KCNQ5: variants seen among roughly 807,000 people sequenced by gnomAD.
KCNQ5 encodes the protein potassium voltage-gated channel subfamily Q member 5, also known as potassium voltage-gated channel subfamily KQT member 5.
KCNQ5 carries 30 observed loss-of-function variants against 98.2 expected under a neutral mutation model. That is an observed-to-expected ratio of 0.31 (90% CI 0.23 to 0.41). The LOEUF is 0.41. Among genes scored for constraint, KCNQ5 ranks in the 10% least tolerant of loss-of-function variants. KCNQ5 has a pLI of 1.00. For synonymous variants in KCNQ5, 458 were observed against 449.4 expected, an observed-to-expected ratio of 1.02 and a Z score of -0.24; for missense variants, 835 against 1,182.5, an observed-to-expected ratio of 0.71 and a Z score of 4.31.
chr6:73,096,349 A>AAAG (rs1313185733), intron 5 of KCNQ5, among the ~76,000 whole-genome samples: 1 of 151,514 alleles, frequency 6.6e-6, no homozygotes, highest in Admixed American at 6.6e-5. Flanking sequence ...AAAAAAAAAA[A>AAAG]AAAAGAGCTT....
chr6:73,044,168 T>C (rs1771848573), intron 3 of KCNQ5, among the ~76,000 whole-genome samples: 1 of 152,092 alleles, frequency 6.6e-6, no homozygotes, highest in African/African-American at 2.4e-5. Context: ...TAGTCCCAGC[T>C]ACTCAGAAGG....
intron 1 of KCNQ5, among the ~76,000 whole-genome samples, chr6:72,857,764 A>C (rs2150149558): frequency 6.6e-6 from 1 of 152,312 alleles, no homozygotes; most frequent in African/African-American, 2.4e-5. Context: ...ATTAGCAGTT[A>C]TTTACTGATA....
chr6:73,146,626 CAAAAA>C (rs58798764), intron 10 of KCNQ5, among the ~76,000 whole-genome samples: 3,333 of 28,188 alleles, frequency 0.12, 128 homozygotes, highest in Admixed American at 0.24. Flanking sequence ...GTCCCTGTCT[CAAAAA>C]AAAAAAAAAA....
intron 1 of KCNQ5, among the ~76,000 whole-genome samples, chr6:72,872,385 G>T (rs1010295199): frequency 1.3e-5 from 2 of 152,100 alleles, no homozygotes; most frequent in African/African-American, 2.4e-5. Context: ...GACCAACAAG[G>T]GTGTGTTGCA....
intron 5 of KCNQ5, among the ~76,000 whole-genome samples, chr6:73,090,569 C>T (rs547693394): frequency 6.6e-6 from 1 of 152,270 alleles, no homozygotes; most frequent in Admixed American, 6.5e-5. Context: ...CCTTAATCCA[C>T]CTTCAGTTGA....
intron 1 of KCNQ5, among the ~76,000 whole-genome samples, chr6:72,699,900 A>G (rs1768706745): frequency 6.6e-6 from 1 of 152,182 alleles, no homozygotes; most frequent in Non-Finnish European, 1.5e-5. Context: ...TCGGGCGTCA[A>G]GCTTTCCATG....
intron 3 of KCNQ5, among the ~76,000 whole-genome samples, chr6:73,069,540 G>A (rs914635197): frequency 6.6e-6 from 1 of 152,008 alleles, no homozygotes. Context: ...AAAAAAGCAC[G>A]TCTGCATGCA....
intron 7 of KCNQ5, among the ~76,000 whole-genome samples, chr6:73,116,537 C>T (rs1275482618): frequency 1.3e-5 from 2 of 152,092 alleles, no homozygotes; most frequent in Admixed American, 6.6e-5. Flanking sequence ...CAATGGCACA[C>T]ACCTGTAGTC....
intron 1 of KCNQ5, among the ~76,000 whole-genome samples, chr6:72,645,952 A>T (rs2154472198): frequency 6.6e-6 from 1 of 152,206 alleles, no homozygotes; most frequent in South Asian, 2.1e-4. Flanking sequence ...AGAGATTTCC[A>T]CTTCCCCCCA....
intron 1 of KCNQ5, among the ~76,000 whole-genome samples, chr6:72,725,995 C>A (rs568116017): frequency 6.6e-6 from 1 of 152,016 alleles, no homozygotes; most frequent in East Asian, 1.9e-4. Flanking sequence ...TTTCTTAGCA[C>A]AGTTTTCTGA....
intron 2 of KCNQ5, 117 bp from the exon 3 acceptor site, chr6:73,041,819 T>C: frequency 9.2e-7 from 1 of 1,088,364 alleles, no homozygotes; most frequent in Non-Finnish European, 1.4e-6. Context: ...TAACTTTAGA[T>C]ATTAACAACT....
intron 1 of KCNQ5, among the ~76,000 whole-genome samples, chr6:72,838,874 C>T (rs1582389549): frequency 1.5e-5 from 2 of 136,100 alleles, no homozygotes; most frequent in Admixed American, 1.6e-4. Context: ...GGCGTGAACC[C>T]GGGAGGCGGA....
intron 1 of KCNQ5, among the ~76,000 whole-genome samples, chr6:72,925,836 C>A (rs528408345): frequency 2.6e-5 from 4 of 152,242 alleles, no homozygotes; most frequent in African/African-American, 9.6e-5. Context: ...GGGCAAAGGG[C>A]AGCTGCTGCT....
intron 1 of KCNQ5, among the ~76,000 whole-genome samples, chr6:72,828,364 A>G (rs998873297): frequency 5.3e-5 from 8 of 152,014 alleles, no homozygotes; most frequent in Non-Finnish European, 1.0e-4. Context: ...CCATGACCAT[A>G]GGATCTTTCC....
intron 2 of KCNQ5, among the ~76,000 whole-genome samples, chr6:73,020,285 T>C (rs972530211): frequency 1.3e-5 from 2 of 152,094 alleles, no homozygotes; most frequent in African/African-American, 4.8e-5. Flanking sequence ...ATCAGCGTTC[T>C]CGTGACCTTC....
chr6:73,010,848 CA>C (rs1770034295), intron 2 of KCNQ5, among the ~76,000 whole-genome samples: 1 of 151,948 alleles, frequency 6.6e-6, no homozygotes. Flanking sequence ...ATGAAAACTA[CA>C]ATAACATTGC....
chr6:72,949,087 T>C (rs1766678307), intron 1 of KCNQ5, among the ~76,000 whole-genome samples: 1 of 152,100 alleles, frequency 6.6e-6, no homozygotes, highest in South Asian at 2.1e-4. Context: ...TATTTTTAAC[T>C]CATTAAAATT....
At chr6:73,058,991 G>A (rs1772655482) in intron 3 of KCNQ5, among the ~76,000 whole-genome samples, 1 of 152,136 alleles carries the variant, frequency 6.6e-6, no homozygotes, top group Admixed American at 6.5e-5. Context: ...CAGCCGGTGT[G>A]GAAAGCCGTT....
chr6:72,969,486 C>G (rs748893418), intron 1 of KCNQ5, among the ~76,000 whole-genome samples: 1 of 152,114 alleles, frequency 6.6e-6, no homozygotes, highest in African/African-American at 2.4e-5. Context: ...GGTGCCTCCT[C>G]CCCTAGGTAG....
Sources: gnomAD v4.1 joint callset for allele counts (sites outside exome capture counted in the v4.1 genomes callset) on GRCh38, gnomAD v4.1.1 for gene constraint, MANE v1.5 for transcripts, NCBI Gene and HGNC (gene_info 2026-07-23, HGNC 2026-07-21) for gene names.